Variants in CRYZL1 observed in about 807,000 individuals in gnomAD.
CRYZL1 encodes the protein crystallin zeta like 1.
CRYZL1 carries 34 observed loss-of-function variants against 50.6 expected under a neutral mutation model. The observed-to-expected ratio is 0.67, with a 90% CI of 0.51 to 0.89. The LOEUF is 0.89. Among genes scored for constraint, CRYZL1 ranks in the 40% least tolerant of loss-of-function variants. The pLI is 0.00. For missense variants in CRYZL1, 354 were observed against 402.3 expected, an observed-to-expected ratio of 0.88 and a Z score of 1.03; for synonymous variants, 125 against 134.3, an observed-to-expected ratio of 0.93 and a Z score of 0.48.
At chr21:33,611,502 C>G (rs1054169566) in intron 6 of CRYZL1, among the ~76,000 whole-genome samples, 4 of 151,940 alleles carry the variant, frequency 2.6e-5, no homozygotes, top group African/African-American at 9.7e-5. Context: ...ATTTGGTAGC[C>G]TAGCTCAAGT....
chr21:33,616,739 C>T lies in CRYZL1; in HGVS notation c.229G>A (p.Val77Ile), dbSNP rs2086938156. 1 of 1,606,332 alleles carries T rather than the reference C, an allele frequency of 6.2e-7. No individual in the cohort carries two copies. The highest frequency in any genetic ancestry group is 1.7e-5 in the Admixed American group (1 of 59,660). Residue 77 changes from valine to isoleucine, a missense_variant, in exon 5 of 13, where the codon GTA (valine) becomes ATA (isoleucine). Coordinates refer to ENST00000381554, the MANE Select transcript of CRYZL1 (RefSeq NM_145858.3). Reference sequence around the variant, plus strand: ...TCATCATCTGGTTGAAAGAATGATACCTTGCTTCCAACTAAAGAGTGAAGA... The same window carrying T: ...TCATCATCTGGTTGAAAGAATGATATCTTGCTTCCAACTAAAGAGTGAAGA... ...AGIVLDVGSK[V>I]SFFQPDDEVV...
chr21:33,634,358 T>C (rs1057145936), intron 1 of CRYZL1, among the ~76,000 whole-genome samples: 1 of 152,182 alleles, frequency 6.6e-6, no homozygotes. Flanking sequence ...CTTTACATCA[T>C]ATGGTTACCC....
intron 9 of CRYZL1, 107 bp downstream of exon 9, chr21:33,599,043 A>T (rs2086723674): frequency 1.1e-6 from 1 of 936,556 alleles, no homozygotes; most frequent in Non-Finnish European, 1.6e-6. Flanking sequence ...AAAACTGAAC[A>T]TCTGGTTTAA....
At chr21:33,616,876 G>A in intron 4 of CRYZL1, 126 bp from the exon 5 acceptor site, 1 of 786,742 alleles carries the variant, frequency 1.3e-6, no homozygotes, top group Non-Finnish European at 1.9e-6. Flanking sequence ...GTGGAAAAAA[G>A]GACCAAAATG....
At chr21:33,596,717 C>T (rs1475978936) in intron 10 of CRYZL1, among the ~76,000 whole-genome samples, 1 of 151,766 alleles carries the variant, frequency 6.6e-6, no homozygotes, top group East Asian at 1.9e-4. Context: ...AATTACACTT[C>T]ATCGTCATTG....
intron 11 of CRYZL1, among the ~76,000 whole-genome samples, chr21:33,593,024 C>A (rs189075196): frequency 2.0e-5 from 3 of 151,102 alleles, no homozygotes; most frequent in African/African-American, 7.3e-5. Flanking sequence ...TTCACTCTAG[C>A]CTTGGTGACA....
intron 1 of CRYZL1, among the ~76,000 whole-genome samples, chr21:33,636,042 T>A (rs1414703234): frequency 6.6e-6 from 1 of 152,026 alleles, no homozygotes; most frequent in East Asian, 1.9e-4. Context: ...CTAAGAAAAG[T>A]CATGTAACTT....
intron 8 of CRYZL1, among the ~76,000 whole-genome samples, chr21:33,601,683 A>G (rs779617141): frequency 1.5e-4 from 23 of 152,186 alleles, no homozygotes; most frequent in Non-Finnish European, 3.1e-4. Flanking sequence ...TTGGGAGGCC[A>G]AGGTGGGTGC....
intron 11 of CRYZL1, among the ~76,000 whole-genome samples, chr21:33,592,142 GCTT>G (rs2086650712): frequency 1.4e-5 from 2 of 146,680 alleles, no homozygotes; most frequent in South Asian, 2.2e-4. Context: ...CTTTTTCAGA[GCTT>G]TTTTTTTTTT....
At chr21:33,601,716 A>G (rs2058622369) in intron 8 of CRYZL1, among the ~76,000 whole-genome samples, 1 of 152,146 alleles carries the variant, frequency 6.6e-6, no homozygotes, top group South Asian at 2.1e-4. Flanking sequence ...CAGAAGTTTG[A>G]TACCAGCCTA....
At position 33,615,776 on chromosome 21, in the gene CRYZL1, C is replaced by G. The variant is rs1436177397; in HGVS notation, c.262+930G>C. Among the ~76,000 whole-genome samples the G allele has an allele frequency of 2.6e-5, 4 of 152,202 alleles. No individual in the cohort carries two copies. The South Asian group carries it at 6.2e-4, about 24-fold the overall frequency. On this transcript the variant is annotated intron_variant, in intron 5 of 12. Transcript: ENST00000381554. ...GCATGGAGCTTCTATATGGCCCAGT[C>G]AGTCAGCAGCCTTCAAGCATGTGAC...
At chr21:33,590,469 G>T (rs891236536) in intron 12 of CRYZL1, among the ~76,000 whole-genome samples, 5 of 151,378 alleles carry the variant, frequency 3.3e-5, no homozygotes, top group African/African-American at 4.9e-5. Flanking sequence ...AGGCTGGAGT[G>T]CAATGGTGTG....
intron 6 of CRYZL1, among the ~76,000 whole-genome samples, chr21:33,605,460 G>A (rs563878526): frequency 7.1e-5 from 10 of 140,044 alleles, no homozygotes; most frequent in Non-Finnish European, 3.1e-5. Flanking sequence ...TCCTTAACAT[G>A]TTTCACTATT....
At position 33,589,438 on chromosome 21, in the gene CRYZL1, T is replaced by C. The variant is rs754115259; in HGVS notation, c.*384A>G. On this transcript the variant is annotated 3_prime_UTR_variant, in exon 13 of 13. Transcript: ENST00000381554. ...CTTAAGGAAGGTGTTGAGAACGGAG[T>C]TGATACAAAATTAATACGTTACTTT... The C allele has an allele frequency of 1.3e-5, 4 of 303,130 alleles. No homozygotes were observed. The highest frequency in any genetic ancestry group is 6.5e-5 in the African/African-American group (3 of 46,220). 18.8% of individuals were successfully genotyped at this position (303,130 alleles called of 1,614,324 possible).
rs1601349099 is a variant in CRYZL1, at chr21:33,629,738, A to G, written c.66+1748T>C. Among the ~76,000 whole-genome samples the G allele has an allele frequency of 2.0e-5, 3 of 152,200 alleles. No individual in the cohort carries two copies. The South Asian group carries it at 6.2e-4, about 32-fold the overall frequency. On this transcript the variant is annotated intron_variant, in intron 2 of 12. Coordinates refer to ENST00000381554, the MANE Select transcript of CRYZL1 (RefSeq NM_145858.3). ...TGCTCTTTCTTTCTTTCTCTTGCCT[A>G]ATTGCTCTGGCTAGGACTTCTATTA... is the stretch of plus-strand genomic sequence containing the variant.
chr21:33,613,954 T>C (rs901427596), intron 5 of CRYZL1, among the ~76,000 whole-genome samples: 4 of 151,896 alleles, frequency 2.6e-5, no homozygotes, highest in Non-Finnish European at 5.9e-5. Context: ...AGGTGAATCA[T>C]GAGGTCAGGA....
chr21:33,594,453 C>G (rs1601324714), intron 11 of CRYZL1: 1 of 151,860 alleles, frequency 6.6e-6, no homozygotes, highest in Non-Finnish European at 1.5e-5. Flanking sequence ...AGCCACTGTG[C>G]CAGCTCATGT....
In CRYZL1 at chr21:33,622,047, T is replaced by C; in HGVS notation, c.166A>G (p.Lys56Glu). The change falls in exon 4 of 13, where the codon AAA becomes GAA. Residue 56 changes from lysine (K) to glutamate (E), a missense_variant. Transcript: ENST00000381554. ...NTKLLAEMKM[K>E]KDLFPVGREI... ...CTCCCAACAGGAAATAAATCCTTTT[T>C]CATCTTCATTTCTGCCAGAAGCTAA... 6.2e-7 allele frequency: 1 copy of C among 1,613,098 alleles called. No homozygotes were observed. The highest frequency in any genetic ancestry group is 8.5e-7 in the Non-Finnish European group (1 of 1,179,296).
chr21:33,616,004 A>G (rs767857446), intron 5 of CRYZL1, among the ~76,000 whole-genome samples: 8 of 152,192 alleles, frequency 5.3e-5, no homozygotes, highest in Non-Finnish European at 1.0e-4. Context: ...ATATGTATAC[A>G]TATGCCATGC....
Sources: gnomAD v4.1 joint callset for allele counts (sites outside exome capture counted in the v4.1 genomes callset) on GRCh38, gnomAD v4.1.1 for gene constraint, MANE v1.5 for transcripts, NCBI Gene and HGNC (gene_info 2026-07-23, HGNC 2026-07-21) for gene names.